Variants in SLCO1A2 observed in about 807,000 individuals in gnomAD.
The protein encoded by SLCO1A2 is solute carrier organic anion transporter family member 1A2.
SLCO1A2 carries 67 observed loss-of-function variants against 69.0 expected under a neutral mutation model. The ratio of observed to expected loss-of-function variants is 0.97; its 90% CI spans 0.80 to 1.19. The LOEUF (loss-of-function observed/expected upper bound fraction) is 1.19. SLCO1A2 is among the 50% of genes most tolerant of loss of function. The pLI is 0.00. For missense variants in SLCO1A2, 787 were observed against 793.7 expected (o/e 0.99, Z 0.10); for synonymous variants, 260 against 265.9 (o/e 0.98, Z 0.22).
intron 1 of SLCO1A2, among the ~76,000 whole-genome samples, chr12:21,410,442 A>G (rs571648719): frequency 1.1e-4 from 17 of 152,304 alleles, no homozygotes; most frequent in South Asian, 1.0e-3. Flanking sequence ...ATTCATCCAC[A>G]TTATTATATA....
At chr12:21,359,654 G>A (rs1361543411) in intron 2 of SLCO1A2, among the ~76,000 whole-genome samples, 1 of 152,066 alleles carries the variant, frequency 6.6e-6, no homozygotes, top group African/African-American at 2.4e-5. Context: ...GGCTGAGGCA[G>A]GAGAATGGCA....
chr12:21,367,164 T>C (rs2045940), intron 2 of SLCO1A2, among the ~76,000 whole-genome samples: 37,660 of 151,942 alleles, frequency 0.25, 4,867 homozygotes, highest in East Asian at 0.41. Context: ...GCCACATTAG[T>C]GGTTAGAATA....
chr12:21,353,482 AAAG>A (rs1938122390), intron 2 of SLCO1A2, among the ~76,000 whole-genome samples: 2 of 151,828 alleles, frequency 1.3e-5, no homozygotes, highest in African/African-American at 4.8e-5. Context: ...GAAAAAAAAA[AAAG>A]AAAGAAAGAA....
intron 12 of SLCO1A2, among the ~76,000 whole-genome samples, chr12:21,284,758 T>G (rs1231023384): frequency 2.6e-5 from 3 of 115,258 alleles, no homozygotes; most frequent in Non-Finnish European, 5.2e-5. Flanking sequence ...GAATGACTAC[T>G]GGGTACATAA....
At chr12:21,393,681 C>T (rs929526343) in intron 1 of SLCO1A2, among the ~76,000 whole-genome samples, 5 of 152,110 alleles carry the variant, frequency 3.3e-5, no homozygotes, top group African/African-American at 1.2e-4. Flanking sequence ...AAGAGATAAA[C>T]AGATACGGTT....
chr12:21,389,072 T>C (rs1481992627), intron 1 of SLCO1A2, among the ~76,000 whole-genome samples: 7 of 152,186 alleles, frequency 4.6e-5, no homozygotes, highest in African/African-American at 7.2e-5. Context: ...TGTCAATATT[T>C]GCGAGCTTAG....
intron 2 of SLCO1A2, among the ~76,000 whole-genome samples, chr12:21,321,311 C>T (rs11045970): frequency 0.072 from 11,007 of 152,170 alleles, 684 homozygotes; most frequent in East Asian, 0.35. Context: ...AGTTCATGCT[C>T]ATCCATGCTT....
In SLCO1A2 at chr12:21,304,593, C is replaced by T. The variant is rs368533167; in HGVS notation, c.443-20G>A. 81 of 1,575,836 alleles carry T rather than the reference C, an allele frequency of 5.1e-5. No homozygotes were observed. Among genetic ancestry groups the T allele is most frequent in the Non-Finnish European group, 6.9e-5 (80 of 1,160,968 alleles). On this transcript the variant is annotated intron_variant, in intron 5 of 14. Coordinates refer to ENST00000683939, the MANE Select transcript of SLCO1A2 (RefSeq NM_001386879.1). ...TACACTCTGCATTAAAAAAAAAAGA[C>T]ATGACATTAGTGCTTTGACGATAAA...
intron 1 of SLCO1A2, among the ~76,000 whole-genome samples, chr12:21,386,684 A>G (rs1940898262): frequency 6.6e-6 from 1 of 152,070 alleles, no homozygotes; most frequent in Admixed American, 6.6e-5. Context: ...AGTCTCAGGT[A>G]TTTCTTCACA....
intron 1 of SLCO1A2, among the ~76,000 whole-genome samples, chr12:21,385,083 C>G (rs182194432): frequency 6.6e-6 from 1 of 152,096 alleles, no homozygotes; most frequent in African/African-American, 2.4e-5. Context: ...TTTAAAAACT[C>G]TTTTTTACCT....
chr12:21,404,821 T>C (rs942600171), intron 1 of SLCO1A2, among the ~76,000 whole-genome samples: 6 of 152,166 alleles, frequency 3.9e-5, no homozygotes, highest in Admixed American at 3.9e-4. Flanking sequence ...CCGTGTCTTC[T>C]ACAATAATTG....
At chr12:21,292,044 T>A in intron 12 of SLCO1A2, 120 bp downstream of exon 12, 1 of 611,762 alleles carries the variant, frequency 1.6e-6, no homozygotes, top group Non-Finnish European at 2.6e-6. Context: ...ACAAAACCCT[T>A]AATAAATGGT....
At chr12:21,414,339 C>G (rs192068406) in intron 1 of SLCO1A2, among the ~76,000 whole-genome samples, 2 of 150,964 alleles carry the variant, frequency 1.3e-5, no homozygotes, top group Non-Finnish European at 2.9e-5. Flanking sequence ...AAGTTTCTCT[C>G]GAAGTACATG....
upstream of SLCO1A2, among the ~76,000 whole-genome samples, chr12:21,337,321 G>T (rs962530555): frequency 1.3e-5 from 2 of 151,944 alleles, no homozygotes; most frequent in African/African-American, 4.8e-5. Flanking sequence ...AAAGTTTTAT[G>T]AAACAAATAT....
intron 1 of SLCO1A2, among the ~76,000 whole-genome samples, chr12:21,415,236 C>T (rs576530832): frequency 6.6e-6 from 1 of 152,096 alleles, no homozygotes; most frequent in East Asian, 1.9e-4. Flanking sequence ...TCTATTTCCC[C>T]TTAATGAGAC....
chr12:21,322,843 G>A (rs1040815118), intron 2 of SLCO1A2, among the ~76,000 whole-genome samples: 1 of 152,058 alleles, frequency 6.6e-6, no homozygotes, highest in African/African-American at 2.4e-5. Flanking sequence ...TCAGATGGTT[G>A]GGGTCCTCAG....
intron 1 of SLCO1A2, chr12:21,378,530 T>C: frequency 1.1e-6 from 1 of 949,148 alleles, no homozygotes; most frequent in Non-Finnish European, 1.7e-6. Context: ...TCTGTGTGTC[T>C]GATGTTTGTT....
chr12:21,335,888 C>T (rs544830495), upstream of SLCO1A2, among the ~76,000 whole-genome samples: 4 of 152,258 alleles, frequency 2.6e-5, no homozygotes, highest in African/African-American at 4.8e-5. Context: ...AAGCCAAGTA[C>T]GTGCCTACAG....
chr12:21,375,754 G>C (rs536513571), intron 1 of SLCO1A2, among the ~76,000 whole-genome samples: 1 of 152,312 alleles, frequency 6.6e-6, no homozygotes, highest in East Asian at 1.9e-4. Context: ...ATTTAAAAGA[G>C]AGGCAATTTA....
Sources: gnomAD v4.1 joint callset for allele counts (sites outside exome capture counted in the v4.1 genomes callset) on GRCh38, gnomAD v4.1.1 for gene constraint, MANE v1.5 for transcripts, NCBI Gene and HGNC (gene_info 2026-07-23, HGNC 2026-07-21) for gene names.